The following GALR2 variants were observed in gnomAD, a reference collection of about 807,000 sequenced individuals.
The protein encoded by GALR2 is galanin receptor 2.
GALR2 carries 5 observed loss-of-function variants against 7.2 expected under a neutral mutation model. The observed-to-expected ratio is 0.69, with a 90% CI of 0.36 to 1.45. The LOEUF is 1.45. Among genes scored for constraint, GALR2 ranks in the 40% most tolerant of loss-of-function variants. The pLI is 0.03. For missense variants in GALR2, 561 were observed against 555.7 expected, an observed-to-expected ratio of 1.01 and a Z score of -0.10; for synonymous variants, 300 against 263.9, an observed-to-expected ratio of 1.14 and a Z score of -1.32.
rs1188379223 is a variant in GALR2 at position 76,076,563 on chromosome 17, G to C, written c.369-73G>C. 7 of 962,192 alleles carry C rather than the reference G, an allele frequency of 7.3e-6. No homozygotes were observed. The highest frequency in any genetic ancestry group is 6.6e-4 in the Middle Eastern group (2 of 3,034). 59.6% of individuals were successfully genotyped at this position (962,192 alleles called of 1,614,324 possible). On this transcript the variant is annotated intron_variant, in intron 1 of 1. Transcript: ENST00000329003. The surrounding 1 kb of genome is among the most constrained non-coding windows in gnomAD (Gnocchi z 6.5). Reference sequence around the variant, plus strand: ...TCCTCGAGAGCAGCCTTGGGACCGAGGTGCAGGGGTCGCGGCCCTCCAGCA... The same window carrying C: ...TCCTCGAGAGCAGCCTTGGGACCGACGTGCAGGGGTCGCGGCCCTCCAGCA...
upstream of GALR2, chr17:76,072,151 C>CA (rs889759848): frequency 6.4e-6 from 9 of 1,408,458 alleles, no homozygotes; most frequent in Middle Eastern, 2.3e-4. The surrounding 1 kb of genome is among the most constrained non-coding windows in gnomAD (Gnocchi z 4.5). Context: ...GAGACAGACC[C>CA]CCCCCGGAAT....
chr17:76,072,187 G>A, upstream of GALR2: 1 of 1,559,866 alleles, frequency 6.4e-7, no homozygotes, highest in East Asian at 2.4e-5. The surrounding 1 kb of genome is among the most constrained non-coding windows in gnomAD (Gnocchi z 4.5). Flanking sequence ...GTAAGGGCGA[G>A]AGAAACTGCA....
At position 76,075,552 on chromosome 17, in the gene GALR2, C is replaced by T. The variant is rs1470176970; in HGVS notation, c.368+301C>T. On this transcript the variant is annotated intron_variant, in intron 1 of 1. Transcript: ENST00000329003. This position sits in a 1 kb window ranked among gnomAD's most constrained non-coding sequence, Gnocchi z 5.9. ...TTTGTGCGCGTTCATCTCGCTTGAGCTTAATGCCCTCCGTGAGGGTGGGAT... is the reference window on the plus strand; with the variant it reads ...TTTGTGCGCGTTCATCTCGCTTGAGTTTAATGCCCTCCGTGAGGGTGGGAT... 6.6e-6 allele frequency among the ~76,000 whole-genome samples: 1 copy of T among 152,216 alleles called. No homozygotes were observed. Among genetic ancestry groups the T allele is most frequent in the Non-Finnish European group, 1.5e-5 (1 of 68,038 alleles).
At chr17:76,072,428 T>A (rs377012082), upstream of GALR2, 2 of 1,585,616 alleles carry the variant, frequency 1.3e-6, no homozygotes, top group African/African-American at 1.4e-5. The surrounding 1 kb of genome is among the most constrained non-coding windows in gnomAD (Gnocchi z 4.5). Context: ...CCGCCGCCAC[T>A]GCCACCGCCG....
At chr17:76,072,833 C>T (rs1048374866), upstream of GALR2, among the ~76,000 whole-genome samples, 2 of 152,228 alleles carry the variant, frequency 1.3e-5, no homozygotes, top group African/African-American at 4.8e-5. The surrounding 1 kb of genome is among the most constrained non-coding windows in gnomAD (Gnocchi z 4.5). Flanking sequence ...ACGTCCTGCC[C>T]AGCAGAAAGC....
Position 76,076,677 on chromosome 17 carries a change from G to T in GALR2, c.410G>T (p.Arg137Leu), listed in dbSNP as rs1009042387. Residue 137 changes from arginine to leucine, a missense_variant, in exon 2 of 2, where the codon CGC (arginine) becomes CTC (leucine). Coordinates refer to ENST00000329003, the MANE Select transcript of GALR2 (RefSeq NM_003857.4). The surrounding 1 kb of genome is among the most constrained non-coding windows in gnomAD (Gnocchi z 6.5). ...IRYPLHSREL[R>L]TPRNALAAIG... Reference sequence around the variant, plus strand: ...TACCCGCTGCACTCCCGCGAGCTGCGCACGCCTCGAAACGCGCTGGCAGCC... The same window carrying T: ...TACCCGCTGCACTCCCGCGAGCTGCTCACGCCTCGAAACGCGCTGGCAGCC... 1.3e-6 allele frequency: 2 copies of T among 1,598,552 alleles called. No individual in the cohort carries two copies. Among genetic ancestry groups the T allele is most frequent in the African/African-American group, 1.3e-5 (1 of 74,976 alleles).
Position 76,076,533 on chromosome 17 carries a change from G to T in GALR2, c.369-103G>T. 1 of 724,938 alleles carries T rather than the reference G, an allele frequency of 1.4e-6. No individual in the cohort carries two copies. Among genetic ancestry groups the T allele is most frequent in the South Asian group, 1.8e-5 (1 of 55,914 alleles). 44.9% of individuals were successfully genotyped at this position (724,938 alleles called of 1,614,324 possible). On this transcript the variant is annotated intron_variant, in intron 1 of 1. Coordinates refer to ENST00000329003, the MANE Select transcript of GALR2 (RefSeq NM_003857.4). This position sits in a 1 kb window ranked among gnomAD's most constrained non-coding sequence, Gnocchi z 6.5. ...GTGTGCGGTGTAACCATGCGCTAAG[G>T]ACCTTCCTCGAGAGCAGCCTTGGGA...
Position 76,075,629 on chromosome 17 carries a change from A to T in GALR2, c.368+378A>T, listed in dbSNP as rs1019532476. Among the ~76,000 whole-genome samples the T allele has an allele frequency of 2.0e-5, 3 of 152,238 alleles. No individual in the cohort carries two copies. The highest frequency in any genetic ancestry group is 7.2e-5 in the African/African-American group (3 of 41,470). ...AGTTGAGTTCCTAAGTAACTCGCTC[A>T]GAGTCGCCAGCCAGGGATCGGGTGC... is the stretch of plus-strand genomic sequence containing the variant. On this transcript the variant is annotated intron_variant, in intron 1 of 1. Coordinates refer to ENST00000329003, the MANE Select transcript of GALR2 (RefSeq NM_003857.4). The surrounding 1 kb of genome is among the most constrained non-coding windows in gnomAD (Gnocchi z 5.9).
rs1185275192 is a variant in GALR2, at chr17:76,075,204, C to T, written c.321C>T (p.Leu107=). The part of the protein sequence containing the change: ...LCKAVHFLIF[L]TMHASSFTLA... The stretch of plus-strand genomic sequence containing the variant: ...AGGCGGTGCACTTCCTCATCTTCCT[C>T]ACCATGCACGCCAGCAGCTTCACGC... The change falls in exon 1 of 2, where the codon CTC becomes CTT. Residue 107 remains leucine, a synonymous_variant. Transcript: ENST00000329003. This position sits in a 1 kb window ranked among gnomAD's most constrained non-coding sequence, Gnocchi z 5.9. The T allele has an allele frequency of 3.7e-6, 6 of 1,609,352 alleles. No individual in the cohort carries two copies. In the Admixed American group the frequency reaches 5.0e-5, roughly 13 times the overall value.
In GALR2 at chr17:76,076,339, T is replaced by G. The variant is rs1181019529; in HGVS notation, c.369-297T>G. On this transcript the variant is annotated intron_variant, in intron 1 of 1. Coordinates refer to ENST00000329003, the MANE Select transcript of GALR2 (RefSeq NM_003857.4). This position sits in a 1 kb window ranked among gnomAD's most constrained non-coding sequence, Gnocchi z 6.5. The stretch of plus-strand genomic sequence containing the variant: ...AGTCTTCAGTGGCTTTGGGGTGCCC[T>G]CTCAGTGGAGACTGTGGTTGCAGTC... Among the ~76,000 whole-genome samples, 1 of 152,142 alleles carries G rather than the reference T, an allele frequency of 6.6e-6. No homozygotes were observed. Among genetic ancestry groups the G allele is most frequent in the Non-Finnish European group, 1.5e-5 (1 of 68,020 alleles).
chr17:76,072,152 C>T, upstream of GALR2: 2 of 1,416,446 alleles, frequency 1.4e-6, no homozygotes, highest in Non-Finnish European at 1.9e-6. The surrounding 1 kb of genome is among the most constrained non-coding windows in gnomAD (Gnocchi z 4.5). Context: ...AGACAGACCC[C>T]CCCCGGAATT....
rs1206652819 is a variant in GALR2, at chr17:76,075,882, C to T, written c.368+631C>T. Among the ~76,000 whole-genome samples, 1 of 152,180 alleles carries T rather than the reference C, an allele frequency of 6.6e-6. No homozygotes were observed. Among genetic ancestry groups the T allele is most frequent in the Non-Finnish European group, 1.5e-5 (1 of 68,032 alleles). ...AAACAAAACAAAACAAAATAAAATC[C>T]AAAACAAGTCGGGGCCGGGAGAGGA... On this transcript the variant is annotated intron_variant, in intron 1 of 1. Transcript: ENST00000329003. The surrounding 1 kb of genome is among the most constrained non-coding windows in gnomAD (Gnocchi z 5.9).
At chr17:76,072,446 T>A (rs1041428323), upstream of GALR2, 15 of 1,579,286 alleles carry the variant, frequency 9.5e-6, no homozygotes, top group Non-Finnish European at 1.2e-5. This position sits in a 1 kb window ranked among gnomAD's most constrained non-coding sequence, Gnocchi z 4.5. Flanking sequence ...CCGCCGCCAC[T>A]GCCGCCGCCG....
At chr17:76,072,798 G>C (rs193094068), upstream of GALR2, 130 of 535,906 alleles carry the variant, frequency 2.4e-4, no homozygotes, top group African/African-American at 2.4e-3. The surrounding 1 kb of genome is among the most constrained non-coding windows in gnomAD (Gnocchi z 4.5). Context: ...CCCAGGTCCT[G>C]CATCCTGGAC....
rs2066885948 is a variant in GALR2, at chr17:76,075,831, C to T, written c.368+580C>T. On this transcript the variant is annotated intron_variant, in intron 1 of 1. Transcript: ENST00000329003. This position sits in a 1 kb window ranked among gnomAD's most constrained non-coding sequence, Gnocchi z 5.9. Reference sequence around the variant, plus strand: ...CGTGCCTAAAGGTCCCTAGCTCAGTCCCAGCCCACTCTGCCTCTCGCCTCC... The same window carrying T: ...CGTGCCTAAAGGTCCCTAGCTCAGTTCCAGCCCACTCTGCCTCTCGCCTCC... Among the ~76,000 whole-genome samples the T allele has an allele frequency of 6.6e-6, 1 of 152,184 alleles. No homozygotes were observed. Among genetic ancestry groups the T allele is most frequent in the East Asian group, 1.9e-4 (1 of 5,188 alleles).
Position 76,074,991 on chromosome 17 carries a change from C to T in GALR2, c.108C>T (p.Phe36=). ...TGCCCCTGCTCTTCGCGCTCATCTT[C>T]CTCGTGGGCACCGTGGGCAACACGC... ...VIVPLLFALI[F]LVGTVGNTLV... is the part of the protein sequence containing the mutation. The change falls in exon 1 of 2, where the codon TTC becomes TTT. Residue 36 remains phenylalanine, a synonymous_variant. Coordinates refer to ENST00000329003, the MANE Select transcript of GALR2 (RefSeq NM_003857.4). The surrounding 1 kb of genome is among the most constrained non-coding windows in gnomAD (Gnocchi z 6.7). 6.2e-7 allele frequency: 1 copy of T among 1,606,100 alleles called. No homozygotes were observed.
Position 76,077,376 on chromosome 17 carries a change from C to G in GALR2, c.1109C>G (p.Pro370Arg), listed in dbSNP as rs1290277548. 4.1e-6 allele frequency: 6 copies of G among 1,452,468 alleles called. No individual in the cohort carries two copies. Among genetic ancestry groups the G allele is most frequent in the South Asian group, 1.4e-5 (1 of 72,590 alleles). The allele number at this position is 1,452,468 out of a possible 1,614,324, so 90.0% of individuals were successfully genotyped here. ...QPCILEPCPG[P>R]SWQGPKAGDS... is the part of the protein sequence containing the mutation. ...TGCATCCTCGAGCCCTGTCCTGGCC[C>G]GTCCTGGCAGGGCCCAAAGGCAGGC... Residue 370 changes from proline to arginine, a missense_variant, in exon 2 of 2, where the codon CCG becomes CGG. Pro to Arg is a moderately radical substitution (Grantham distance 103). Transcript: ENST00000329003.
At chr17:76,072,428 TGCCACCGCCGCC>T (rs749129983), upstream of GALR2, 7 of 1,585,624 alleles carry the variant, frequency 4.4e-6, no homozygotes, top group East Asian at 1.1e-4. The surrounding 1 kb of genome is among the most constrained non-coding windows in gnomAD (Gnocchi z 4.5). Flanking sequence ...CCGCCGCCAC[TGCCACCGCCGCC>T]GCCACTGCCG....
rs1293060983 is a variant in GALR2, at chr17:76,076,282, TC to T, written c.369-351del. Among the ~76,000 whole-genome samples, 1 of 152,152 alleles carries T rather than the reference TC, an allele frequency of 6.6e-6. No individual in the cohort carries two copies. The highest frequency in any genetic ancestry group is 2.4e-5 in the African/African-American group (1 of 41,430). On this transcript the variant is annotated intron_variant, in intron 1 of 1. Coordinates refer to ENST00000329003, the MANE Select transcript of GALR2 (RefSeq NM_003857.4). The surrounding 1 kb of genome is among the most constrained non-coding windows in gnomAD (Gnocchi z 6.5). ...CCGTCACCAGTGGGTAGTCACAGCC[TC>T]CCGGAGCCCATAGCCGGTTCTCCAA...
Sources: gnomAD v4.1 joint callset for allele counts (sites outside exome capture counted in the v4.1 genomes callset) on GRCh38, gnomAD v4.1.1 for gene constraint, Gnocchi (gnomAD v3.1) non-coding constraint, MANE v1.5 for transcripts, NCBI Gene and HGNC (gene_info 2026-07-23, HGNC 2026-07-21) for gene names.